Variants in KLHDC3 observed in about 807,000 individuals in gnomAD.
KLHDC3 encodes kelch domain-containing protein 3.
In KLHDC3, 5 loss-of-function variants were observed where a neutral mutation model predicts 44.1. That is an observed-to-expected ratio of 0.11 (90% CI 0.06 to 0.24). The LOEUF (loss-of-function observed/expected upper bound fraction) is 0.24. Ranked by LOEUF, KLHDC3 falls within the 10% of genes least tolerant of loss-of-function variation. The pLI is 1.00. For synonymous variants in KLHDC3, 170 were observed against 189.0 expected, an observed-to-expected ratio of 0.90 and a Z score of 0.82; for missense variants, 247 against 514.3, an observed-to-expected ratio of 0.48 and a Z score of 5.03.
Position 43,014,328 on chromosome 6 carries a change from C to G in KLHDC3, c.-80C>G. The G allele has an allele frequency of 1.6e-6, 1 of 621,938 alleles. No homozygotes were observed. The highest frequency in any genetic ancestry group is 2.8e-6 in the Non-Finnish European group (1 of 351,682). 38.5% of individuals were successfully genotyped at this position (621,938 alleles called of 1,614,324 possible). On this transcript the variant is annotated 5_prime_UTR_variant, in exon 1 of 11. Transcript: ENST00000326974. Reference sequence around the variant, plus strand: ...CAGGCAGCTCGAGGACCCGCGGCCCCGCCCCGGCTCGGCCTGGCAGGTAGC... The same window carrying G: ...CAGGCAGCTCGAGGACCCGCGGCCCGGCCCCGGCTCGGCCTGGCAGGTAGC...
intron 1 of KLHDC3, 158 bp downstream of exon 1, chr6:43,014,506 G>A (rs1762509303): frequency 2.1e-6 from 1 of 480,546 alleles, no homozygotes; most frequent in Non-Finnish European, 4.1e-6. Context: ...GGGGAAAGCA[G>A]GGCTAGGGGA....
rs1400401790 is a variant in KLHDC3, at chr6:43,017,182, T to C, written c.-11T>C. ...CGGGGGGGCATGTTGCTGTAACCAG[T>C]GGCCCAGGGGATGTTACGGTGGACA... is the stretch of plus-strand genomic sequence containing the variant. On this transcript the variant is annotated 5_prime_UTR_variant, in exon 2 of 11. Coordinates refer to ENST00000326974, the MANE Select transcript of KLHDC3 (RefSeq NM_057161.4). The surrounding 1 kb of genome is among the most constrained non-coding windows in gnomAD (Gnocchi z 6.0). The C allele has an allele frequency of 6.2e-7, 1 of 1,610,112 alleles. No individual in the cohort carries two copies.
rs1561859175 is a variant in KLHDC3, at chr6:43,018,015, A to G, written c.447+47A>G. 2.6e-6 allele frequency: 4 copies of G among 1,523,136 alleles called. No homozygotes were observed. The African/African-American group carries it at 5.5e-5, about 21-fold the overall frequency. The allele number at this position is 1,523,136 out of a possible 1,614,324, so 94.4% of individuals were successfully genotyped here. A position where few individuals can be genotyped will look rare whatever the true frequency, so the allele number is the denominator to read the frequency against. On this transcript the variant is annotated intron_variant, in intron 4 of 10. Transcript: ENST00000326974. This position sits in a 1 kb window ranked among gnomAD's most constrained non-coding sequence, Gnocchi z 6.0. ...GAGGTTTAGGGTGGGACTGAGAAAG[A>G]GGGGAAGGGCAATTTAGGATGGTGA...
chr6:43,018,237 C>G lies in KLHDC3; in HGVS notation c.519+21C>G, dbSNP rs1438400705. On this transcript the variant is annotated intron_variant, in intron 5 of 10. Coordinates refer to ENST00000326974, the MANE Select transcript of KLHDC3 (RefSeq NM_057161.4). The surrounding 1 kb of genome is among the most constrained non-coding windows in gnomAD (Gnocchi z 6.0). ...CAAAGGTCTGCTCTTTCTTTTTTTT[C>G]CCAAATCCCCACCCTCTGTTGAAGC... 1 of 1,586,250 alleles carries G rather than the reference C, an allele frequency of 6.3e-7. No individual in the cohort carries two copies. The highest frequency in any genetic ancestry group is 8.7e-7 in the Non-Finnish European group (1 of 1,155,712).
chr6:43,017,596 T>C lies in KLHDC3; in HGVS notation c.232T>C (p.Tyr78His), dbSNP rs1224366630. The C allele has an allele frequency of 6.2e-7, 1 of 1,614,118 alleles. No individual in the cohort carries two copies. Among genetic ancestry groups the C allele is most frequent in the South Asian group, 1.1e-5 (1 of 91,076 alleles). ...GQAPVVPYMR[Y>H]GHSTVLIDDT... ...AGCTCCTGTGGTACCCTACATGCGC[T>C]ATGGACACTCAACCGTCCTCATCGA... Residue 78 changes from tyrosine to histidine, a missense_variant, in exon 3 of 11, where the codon TAT (tyrosine) becomes CAT (histidine). This residue lies in a region of KLHDC3 where 176 missense variants were observed against 413.5 expected (regional missense o/e 0.43). Transcript: ENST00000326974. This position sits in a 1 kb window ranked among gnomAD's most constrained non-coding sequence, Gnocchi z 6.0.
chr6:43,019,543 G>A (rs987514846), intron 10 of KLHDC3, among the ~76,000 whole-genome samples, 177 bp downstream of exon 10: 2 of 152,052 alleles, frequency 1.3e-5, no homozygotes, highest in African/African-American at 4.8e-5. Context: ...ATATAAAACT[G>A]TCAGCAGAAT....
In KLHDC3 at chr6:43,018,236, T is replaced by C. The variant is rs778561040; in HGVS notation, c.519+20T>C. Reference sequence around the variant, plus strand: ...ACAAAGGTCTGCTCTTTCTTTTTTTTCCCAAATCCCCACCCTCTGTTGAAG... The same window carrying C: ...ACAAAGGTCTGCTCTTTCTTTTTTTCCCCAAATCCCCACCCTCTGTTGAAG... On this transcript the variant is annotated intron_variant, in intron 5 of 10. Transcript: ENST00000326974. This position sits in a 1 kb window ranked among gnomAD's most constrained non-coding sequence, Gnocchi z 6.0. 14 of 1,590,464 alleles carry C rather than the reference T, an allele frequency of 8.8e-6. No individual in the cohort carries two copies. In the East Asian group the frequency reaches 1.1e-4, roughly 13 times the overall value.
Position 43,017,877 on chromosome 6 carries a change from G to C in KLHDC3, c.356G>C (p.Arg119Pro). ...DVNTHKWFTPRVSGTVPGARD... is the reference protein window; with the variant it reads ...DVNTHKWFTPPVSGTVPGARD... ...GATACGCACAAGTGGTTCACACCCC[G>C]AGTGTCAGGGACAGTTCCTGGGGCC... The change falls in exon 4 of 11, where the codon CGA becomes CCA. Residue 119 changes from arginine to proline, a missense_variant. Arg to Pro is a moderately radical substitution (Grantham distance 103). Coordinates refer to ENST00000326974, the MANE Select transcript of KLHDC3 (RefSeq NM_057161.4). This position sits in a 1 kb window ranked among gnomAD's most constrained non-coding sequence, Gnocchi z 6.0. The C allele has an allele frequency of 6.2e-7, 1 of 1,614,030 alleles. No homozygotes were observed. Among genetic ancestry groups the C allele is most frequent in the Non-Finnish European group, 8.5e-7 (1 of 1,179,986 alleles).
intron 10 of KLHDC3, 146 bp downstream of exon 10, chr6:43,019,512 G>A: frequency 1.6e-6 from 1 of 632,224 alleles, no homozygotes; most frequent in Non-Finnish European, 2.9e-6. Flanking sequence ...TGAGATGGAA[G>A]GAGGTGAATT....
intron 10 of KLHDC3, 111 bp downstream of exon 10, chr6:43,019,477 G>A: frequency 1.4e-6 from 1 of 738,674 alleles, no homozygotes; most frequent in Non-Finnish European, 2.4e-6. Flanking sequence ...TTGTTCTGCT[G>A]GAGATGTAGT....
chr6:43,019,948 G>T, intron 10 of KLHDC3, among the ~76,000 whole-genome samples: 1 of 152,088 alleles, frequency 6.6e-6, no homozygotes, highest in Admixed American at 6.5e-5. Context: ...AGGTTGAGGT[G>T]GGCAAATCAG....
intron 10 of KLHDC3, 116 bp downstream of exon 10, chr6:43,019,482 T>C: frequency 1.4e-6 from 1 of 709,790 alleles, no homozygotes. Context: ...CTGCTGGAGA[T>C]GTAGTGTACT....
intron 10 of KLHDC3, 50 bp downstream of exon 10, chr6:43,019,416 C>A: frequency 7.7e-7 from 1 of 1,303,914 alleles, no homozygotes; most frequent in South Asian, 1.2e-5. Context: ...GAGTGAGCAG[C>A]ACAGGTGTGA....
Position 43,017,757 on chromosome 6 carries a change from G to A in KLHDC3, c.331+62G>A, listed in dbSNP as rs1403677853. On this transcript the variant is annotated intron_variant, in intron 3 of 10. Coordinates refer to ENST00000326974, the MANE Select transcript of KLHDC3 (RefSeq NM_057161.4). This position sits in a 1 kb window ranked among gnomAD's most constrained non-coding sequence, Gnocchi z 6.0. ...ATGTTGCCTCAGTTGCCCAAGAAAG[G>A]TTTGGGTTGGGGGTCTTGGGGAGTA... 1.5e-5 allele frequency: 24 copies of A among 1,599,598 alleles called. No homozygotes were observed. The highest frequency in any genetic ancestry group is 2.0e-5 in the Non-Finnish European group (23 of 1,169,178).
intron 9 of KLHDC3, 58 bp from the exon 10 acceptor site, chr6:43,019,230 A>G: frequency 6.4e-7 from 1 of 1,552,764 alleles, no homozygotes; most frequent in Non-Finnish European, 8.9e-7. Flanking sequence ...GGTGATATCC[A>G]GGACTGGATC....
chr6:43,015,107 A>C (rs1047157453), intron 1 of KLHDC3, among the ~76,000 whole-genome samples: 1 of 152,210 alleles, frequency 6.6e-6, no homozygotes, highest in Admixed American at 6.5e-5. Flanking sequence ...GAAGGGAAGA[A>C]TAGAGAATAT....
intron 1 of KLHDC3, 161 bp downstream of exon 1, chr6:43,014,509 C>G (rs771320239): frequency 2.1e-6 from 1 of 476,986 alleles, no homozygotes; most frequent in South Asian, 1.5e-5. Context: ...GAAAGCAGGG[C>G]TAGGGGAGGA....
chr6:43,018,180 T>C lies in KLHDC3; in HGVS notation c.483T>C (p.Asp161=). ...TTTCCAATGACATTCACAAGCTAGA[T>C]ACCAGCACCATGACATGGACTCTTA... ...DCFSNDIHKL[D]TSTMTWTLIC... is the part of the protein sequence containing the mutation. Residue 161 remains aspartate (D), a synonymous_variant, in exon 5 of 11, where the codon GAT becomes GAC. Coordinates refer to ENST00000326974, the MANE Select transcript of KLHDC3 (RefSeq NM_057161.4). This position sits in a 1 kb window ranked among gnomAD's most constrained non-coding sequence, Gnocchi z 6.0. The C allele has an allele frequency of 6.2e-7, 1 of 1,611,978 alleles. No homozygotes were observed. The highest frequency in any genetic ancestry group is 8.5e-7 in the Non-Finnish European group (1 of 1,178,054).
In KLHDC3 at chr6:43,018,749, A is replaced by G; in HGVS notation, c.820+30A>G. The G allele has an allele frequency of 6.3e-7, 1 of 1,599,558 alleles. No homozygotes were observed. Among genetic ancestry groups the G allele is most frequent in the Non-Finnish European group, 8.6e-7 (1 of 1,166,706 alleles). On this transcript the variant is annotated intron_variant, in intron 7 of 10. Transcript: ENST00000326974. The surrounding 1 kb of genome is among the most constrained non-coding windows in gnomAD (Gnocchi z 6.0). The stretch of plus-strand genomic sequence containing the variant: ...AGAGCACTGCATTTAGGGCAGGAAC[A>G]AGGAGCAATTGAGGTGGGAGGAAAA...
Sources: gnomAD v4.1 joint callset for allele counts (sites outside exome capture counted in the v4.1 genomes callset) on GRCh38, gnomAD v4.1.1 for gene constraint, gnomAD v4.1.1 regional missense constraint, Gnocchi (gnomAD v3.1) non-coding constraint, MANE v1.5 for transcripts, NCBI Gene and HGNC (gene_info 2026-07-23, HGNC 2026-07-21) for gene names.